Variants in HMX1 observed in about 807,000 individuals in gnomAD.
The protein encoded by HMX1 is H6 family homeobox 1, also known as homeobox protein HMX1.
Under a neutral mutation model 8.9 loss-of-function variants are expected in HMX1, and 8 were observed. The observed-to-expected ratio is 0.90, with a 90% CI of 0.53 to 1.63. HMX1 has a LOEUF of 1.63. HMX1 is among the 40% of genes most tolerant of loss of function. The probability of loss-of-function intolerance (pLI) is 0.00; values close to 1 mark genes in which losing one functional copy is unlikely to be tolerated. For synonymous variants in HMX1, 311 were observed against 283.4 expected (o/e 1.10, Z -0.98); for missense variants, 621 against 558.5 (o/e 1.11, Z -1.13).
downstream of HMX1, among the ~76,000 whole-genome samples, chr4:8,863,810 C>A (rs9886976): frequency 0.066 from 10,071 of 152,340 alleles, 1,100 homozygotes; most frequent in African/African-American, 0.22. Context: ...GGTCGGCCTC[C>A]AGGATTCCAG....
At position 8,871,566 on chromosome 4, in the gene HMX1, A is replaced by C. The variant is rs1372350460; in HGVS notation, c.49T>G (p.Ser17Ala). Residue 17 changes from serine to alanine, a missense_variant, in exon 1 of 2, where the codon TCC becomes GCC. Ser to Ala is a moderately conservative substitution (Grantham distance 99). Coordinates refer to ENST00000400677, the MANE Select transcript of HMX1 (RefSeq NM_018942.3). The surrounding 1 kb of genome is among the most constrained non-coding windows in gnomAD (Gnocchi z 4.8). The part of the protein sequence containing the change: ...EPGRATPARA[S>A]SFLIENLLAA... ...AGCAGGTTCTCGATGAGGAAGGAGG[A>C]GGCGCGGGCCGGCGTGGCGCGCCCG... 1 of 1,355,854 alleles carries C rather than the reference A, an allele frequency of 7.4e-7. No homozygotes were observed. The allele number at this position is 1,355,854 out of a possible 1,614,324, so 84.0% of individuals were successfully genotyped here. A position where few individuals can be genotyped will look rare whatever the true frequency, so the allele number is the denominator to read the frequency against.
chr4:8,858,411 G>C (rs2109460937), intron 1 of HMX1, among the ~76,000 whole-genome samples: 1 of 152,336 alleles, frequency 6.6e-6, no homozygotes, highest in African/African-American at 2.4e-5. Flanking sequence ...TTTCGCAGAA[G>C]AAAACAGGCC....
At chr4:8,866,829 C>T (rs141736965), downstream of HMX1, among the ~76,000 whole-genome samples, 1,283 of 152,326 alleles carry the variant, frequency 8.4e-3, 6 homozygotes, top group Middle Eastern at 0.024. Context: ...ATCACTTCCT[C>T]CTCCCTACTC....
intron 1 of HMX1, among the ~76,000 whole-genome samples, chr4:8,855,807 G>C (rs769014993): frequency 3.3e-5 from 5 of 152,136 alleles, no homozygotes; most frequent in Non-Finnish European, 7.4e-5. Context: ...CTGGGAGTGA[G>C]AGCCAATCTG....
downstream of HMX1, among the ~76,000 whole-genome samples, chr4:8,864,444 A>G (rs1721927078): frequency 6.6e-6 from 1 of 152,018 alleles, no homozygotes; most frequent in African/African-American, 2.4e-5. Flanking sequence ...GCGAGGGGGG[A>G]GGGTGCATGG....
Position 8,858,910 on chromosome 4 carries a change from C to CGGTGGT in HMX1, c.394+12305_394+12310dup, listed in dbSNP as rs542439487. The CGGTGGT allele has an allele frequency of 4.3e-4, 65 of 152,326 alleles. No homozygotes were observed. The South Asian group carries it at 0.011, about 26-fold the overall frequency. 9.4% of individuals were successfully genotyped at this position (152,326 alleles called of 1,614,324 possible). On this transcript the variant is annotated intron_variant, in intron 1 of 1. Coordinates refer to the HMX1 transcript ENST00000506970. Reference sequence around the variant, plus strand: ...CCCATTCCCTCCTCTCTTCGTCACGCGGTGGTGGTGGTGGTGGGGGGTGCA... The same window carrying CGGTGGT: ...CCCATTCCCTCCTCTCTTCGTCACGCGGTGGTGGTGGTGGTGGTGGTGGGGGGTGCA...
chr4:8,855,265 G>A (rs765132885), intron 1 of HMX1, among the ~76,000 whole-genome samples: 3 of 152,260 alleles, frequency 2.0e-5, no homozygotes, highest in Non-Finnish European at 2.9e-5. Flanking sequence ...GACCTCCACT[G>A]TGTGGCTGCG....
chr4:8,861,790 T>C (rs1443140236), intron 1 of HMX1, among the ~76,000 whole-genome samples: 1 of 152,196 alleles, frequency 6.6e-6, no homozygotes, highest in Admixed American at 6.5e-5. Flanking sequence ...GCCCATCCTC[T>C]TGATGGCGGG....
At position 8,871,121 on chromosome 4, in the gene HMX1, G is replaced by T; in HGVS notation, c.394+100C>A. The T allele has an allele frequency of 8.5e-7, 1 of 1,181,484 alleles. No individual in the cohort carries two copies. Among genetic ancestry groups the T allele is most frequent in the Non-Finnish European group, 1.1e-6 (1 of 929,748 alleles). 73.2% of individuals were successfully genotyped at this position (1,181,484 alleles called of 1,614,324 possible). On this transcript the variant is annotated intron_variant, in intron 1 of 1. Coordinates refer to ENST00000400677, the MANE Select transcript of HMX1 (RefSeq NM_018942.3). This position sits in a 1 kb window ranked among gnomAD's most constrained non-coding sequence, Gnocchi z 4.8. Reference sequence around the variant, plus strand: ...GCCGTTCCACAGAAGGGAGAGGATGGCCCAGAACGGGCGGCGACGAGCCCG... The same window carrying T: ...GCCGTTCCACAGAAGGGAGAGGATGTCCCAGAACGGGCGGCGACGAGCCCG...
chr4:8,864,153 G>C (rs1458495994), downstream of HMX1, among the ~76,000 whole-genome samples: 1 of 152,224 alleles, frequency 6.6e-6, no homozygotes, highest in Non-Finnish European at 1.5e-5. Flanking sequence ...GGGATGTCCT[G>C]TTGGCCTCAC....
At chr4:8,860,380 G>A (rs1249814303) in intron 1 of HMX1, among the ~76,000 whole-genome samples, 1 of 152,256 alleles carries the variant, frequency 6.6e-6, no homozygotes, top group African/African-American at 2.4e-5. Flanking sequence ...ACAGCAGCAA[G>A]CAATGCACCC....
chr4:8,867,688 G>A lies in HMX1; in HGVS notation c.*5C>T. 1 of 1,245,852 alleles carries A rather than the reference G, an allele frequency of 8.0e-7. No homozygotes were observed. Among genetic ancestry groups the A allele is most frequent in the East Asian group, 3.2e-5 (1 of 31,654 alleles). 77.2% of individuals were successfully genotyped at this position (1,245,852 alleles called of 1,614,324 possible). On this transcript the variant is annotated 3_prime_UTR_variant, in exon 2 of 2. Coordinates refer to ENST00000400677, the MANE Select transcript of HMX1 (RefSeq NM_018942.3). ...GTCGTGGGGAGAGGGCCCGGCAGGC[G>A]GGGCTCACACCAGGCCAGGCATCTG...
chr4:8,860,065 AG>A (rs764213190), intron 1 of HMX1, among the ~76,000 whole-genome samples: 4 of 152,246 alleles, frequency 2.6e-5, no homozygotes, highest in Non-Finnish European at 5.9e-5. Context: ...GAACTGCGTC[AG>A]GGGCGAAGCC....
At position 8,847,275 on chromosome 4, in the gene HMX1, T is replaced by TA. The variant is rs1197390182; in HGVS notation, c.395-952dup. Among the ~76,000 whole-genome samples the TA allele has an allele frequency of 1.1e-4, 17 of 152,078 alleles. No homozygotes were observed. In the South Asian group the frequency reaches 1.5e-3, roughly 13 times the overall value. Reference sequence around the variant, plus strand: ...GTAGCAAGACTCTGTCTTTAAAAATTAAAAAAAATAATAATTTAATTTAAT... The same window carrying TA: ...GTAGCAAGACTCTGTCTTTAAAAATTAAAAAAAAATAATAATTTAATTTAAT... On this transcript the variant is annotated intron_variant, in intron 1 of 1. Coordinates refer to the HMX1 transcript ENST00000506970. This position sits in a 1 kb window ranked among gnomAD's most constrained non-coding sequence, Gnocchi z 6.0.
At chr4:8,860,017 C>A (rs1358544806) in intron 1 of HMX1, among the ~76,000 whole-genome samples, 6 of 152,246 alleles carry the variant, frequency 3.9e-5, no homozygotes, top group Non-Finnish European at 7.3e-5. Flanking sequence ...TTAGAACCGG[C>A]AGAGCCCCGA....
At chr4:8,858,484 C>T (rs917783819) in intron 1 of HMX1, among the ~76,000 whole-genome samples, 1 of 152,186 alleles carries the variant, frequency 6.6e-6, no homozygotes, top group African/African-American at 2.4e-5. Context: ...AGCCAGAGCC[C>T]CAAGACCCAG....
At chr4:8,863,320 A>C (rs950413558), downstream of HMX1, among the ~76,000 whole-genome samples, 3 of 152,202 alleles carry the variant, frequency 2.0e-5, no homozygotes, top group African/African-American at 7.2e-5. Context: ...GAAGGCCACG[A>C]AAGACTCTTG....
chr4:8,846,410 A>G, intron 1 of HMX1: 1 of 1,096,598 alleles, frequency 9.1e-7, no homozygotes, highest in South Asian at 1.6e-5. Context: ...ACTGCCAGCC[A>G]CATGGCTCAA....
downstream of HMX1, among the ~76,000 whole-genome samples, chr4:8,863,235 G>C (rs1410208449): frequency 6.6e-6 from 1 of 152,236 alleles, no homozygotes. Flanking sequence ...GGGAGCCTCA[G>C]TGCCACCGTG....
Sources: gnomAD v4.1 joint callset for allele counts (sites outside exome capture counted in the v4.1 genomes callset) on GRCh38, gnomAD v4.1.1 for gene constraint, Gnocchi (gnomAD v3.1) non-coding constraint, MANE v1.5 for transcripts, NCBI Gene and HGNC (gene_info 2026-07-23, HGNC 2026-07-21) for gene names.